The following DRC8 variants were observed in gnomAD, a reference collection of about 807,000 sequenced individuals.
The protein encoded by DRC8 is dynein regulatory complex protein 8.
At chr1:245,110,330 G>A in the DRC8 span, among the ~76,000 whole-genome samples, 5 of 152,318 alleles carry the variant, frequency 3.3e-5, no homozygotes, top group South Asian at 1.0e-3. Context: ...GTTGCTGTGA[G>A]CCGAGATTGC....
the DRC8 span, among the ~76,000 whole-genome samples, chr1:245,115,889 T>C: frequency 3.8e-3 from 95 of 25,296 alleles, 4 homozygotes; most frequent in Non-Finnish European, 5.8e-3. Context: ...TCCTATCTCT[T>C]TTTTTTTTTT....
At chr1:245,093,944 C>T in the DRC8 span, among the ~76,000 whole-genome samples, 1 of 152,232 alleles carries the variant, frequency 6.6e-6, no homozygotes, top group East Asian at 1.9e-4. Flanking sequence ...GCATTTATCA[C>T]CAAACTTAGG....
the DRC8 span, among the ~76,000 whole-genome samples, chr1:245,069,476 A>G: frequency 2.6e-5 from 4 of 152,134 alleles, no homozygotes; most frequent in African/African-American, 9.7e-5. Context: ...AAGAAAATCC[A>G]TGGAGAAGTG....
the DRC8 span, among the ~76,000 whole-genome samples, chr1:245,029,839 G>A: frequency 3.3e-5 from 5 of 150,758 alleles, no homozygotes; most frequent in South Asian, 2.1e-4. Flanking sequence ...CAAGTGATCC[G>A]CCTGCCTCAG....
chr1:245,039,769 G>A, the DRC8 span, among the ~76,000 whole-genome samples: 1 of 152,090 alleles, frequency 6.6e-6, no homozygotes, highest in African/African-American at 2.4e-5. Flanking sequence ...ATGTCCCTCA[G>A]TTTGGGTTTG....
the DRC8 span, among the ~76,000 whole-genome samples, chr1:245,079,251 T>C: frequency 2.6e-5 from 4 of 152,176 alleles, no homozygotes; most frequent in African/African-American, 7.2e-5. Flanking sequence ...AGAAAGATTT[T>C]ACAATTTCTG....
chr1:245,102,526 C>T, the DRC8 span, among the ~76,000 whole-genome samples: 2 of 151,988 alleles, frequency 1.3e-5, no homozygotes, highest in Non-Finnish European at 2.9e-5. Flanking sequence ...GTTTTTGTAT[C>T]TTTAGTAGAG....
the DRC8 span, among the ~76,000 whole-genome samples, chr1:245,102,901 T>G: frequency 7.3e-6 from 1 of 137,650 alleles, no homozygotes; most frequent in African/African-American, 2.7e-5. Flanking sequence ...CTGACGAGGA[T>G]GAGAGGTGGT....
the DRC8 span, among the ~76,000 whole-genome samples, chr1:244,997,554 AT>A: frequency 1.3e-5 from 1 of 78,328 alleles, no homozygotes; most frequent in African/African-American, 5.1e-5. Context: ...GTTTATTTTT[AT>A]TTTTTGAGAC....
chr1:244,990,631 C>T, the DRC8 span, among the ~76,000 whole-genome samples: 1 of 152,056 alleles, frequency 6.6e-6, no homozygotes, highest in Admixed American at 6.6e-5. Flanking sequence ...TATGACATAG[C>T]CCCATCAAGG....
chr1:245,046,995 T>C, the DRC8 span, among the ~76,000 whole-genome samples: 3 of 152,346 alleles, frequency 2.0e-5, no homozygotes, highest in South Asian at 6.2e-4. Flanking sequence ...TTGCTACCGC[T>C]GATGAGCTGA....
At chr1:244,970,443 G>T in the DRC8 span, 2 of 1,531,310 alleles carry the variant, frequency 1.3e-6, no homozygotes, top group Non-Finnish European at 1.7e-6. Context: ...GGACAGGGAA[G>T]GTAAGGTAGG....
the DRC8 span, among the ~76,000 whole-genome samples, chr1:245,062,672 A>T: frequency 6.6e-6 from 1 of 152,236 alleles, no homozygotes; most frequent in Admixed American, 6.5e-5. Context: ...GGCACTAAGC[A>T]CGGATTATGA....
At chr1:245,087,864 A>G in the DRC8 span, 10 of 628,178 alleles carry the variant, frequency 1.6e-5, no homozygotes, top group South Asian at 7.1e-4. Flanking sequence ...CCAATTACAA[A>G]TATCATTTGG....
chr1:245,063,547 G>C, the DRC8 span, among the ~76,000 whole-genome samples: 1 of 152,160 alleles, frequency 6.6e-6, no homozygotes, highest in Non-Finnish European at 1.5e-5. Flanking sequence ...GCAGCCCATT[G>C]GATGGATGGC....
chr1:245,019,604 CT>C, the DRC8 span, among the ~76,000 whole-genome samples: 1 of 151,978 alleles, frequency 6.6e-6, no homozygotes, highest in African/African-American at 2.4e-5. Context: ...AACTCCTGGC[CT>C]CAAGTGATAG....
At chr1:244,996,788 C>T in the DRC8 span, among the ~76,000 whole-genome samples, 6 of 152,116 alleles carry the variant, frequency 3.9e-5, no homozygotes, top group Non-Finnish European at 8.8e-5. Context: ...TAGCAGCAGC[C>T]ATTTAATGTC....
chr1:244,970,779 C>G, the DRC8 span: 11 of 364,756 alleles, frequency 3.0e-5, no homozygotes, highest in East Asian at 4.9e-4. Flanking sequence ...CCGCCCCGTC[C>G]TCCTTCCCCC....
At chr1:245,045,757 G>A in the DRC8 span, among the ~76,000 whole-genome samples, 4 of 75,630 alleles carry the variant, frequency 5.3e-5, no homozygotes, top group Non-Finnish European at 1.3e-4. Flanking sequence ...CTGACTGGTT[G>A]TGGACAGCAG....
Sources: gnomAD v4.1 joint callset for allele counts (sites outside exome capture counted in the v4.1 genomes callset) on GRCh38, gnomAD v4.1.1 for gene constraint, MANE v1.5 for transcripts, NCBI Gene and HGNC (gene_info 2026-07-23, HGNC 2026-07-21) for gene names.